Variants in GALNT14 observed in about 807,000 individuals in gnomAD.
GALNT14 encodes the protein polypeptide N-acetylgalactosaminyltransferase 14.
GALNT14 carries 60 observed loss-of-function variants against 77.5 expected under a neutral mutation model. That is an observed-to-expected ratio of 0.77 (90% confidence interval 0.63 to 0.96). GALNT14 has a LOEUF of 0.96. Ranked by LOEUF, GALNT14 falls within the 40% of genes least tolerant of loss-of-function variation. GALNT14 has a pLI of 0.00. For synonymous variants in GALNT14, 280 were observed against 281.7 expected (o/e 0.99, Z 0.06); for missense variants, 710 against 731.0 (o/e 0.97, Z 0.33).
chr2:31,046,507 C>G (rs190817880), intron 1 of GALNT14, among the ~76,000 whole-genome samples: 3 of 152,160 alleles, frequency 2.0e-5, no homozygotes, highest in African/African-American at 4.8e-5. Flanking sequence ...GGATTACGGG[C>G]GTGAGCCACC....
chr2:30,988,596 T>C (rs1669467201), intron 2 of GALNT14, among the ~76,000 whole-genome samples: 1 of 151,976 alleles, frequency 6.6e-6, no homozygotes, highest in South Asian at 2.1e-4. Context: ...GGTGGCCTTA[T>C]TGCAGGGCCT....
chr2:31,117,188 T>C (rs1403149612), intron 1 of GALNT14, among the ~76,000 whole-genome samples: 3 of 152,212 alleles, frequency 2.0e-5, no homozygotes, highest in Admixed American at 1.3e-4. Flanking sequence ...CATCTCATAA[T>C]TCAATACAAT....
chr2:30,953,378 G>A (rs577594067), intron 6 of GALNT14, among the ~76,000 whole-genome samples: 12 of 142,844 alleles, frequency 8.4e-5, no homozygotes, highest in Admixed American at 4.5e-4. Context: ...GCACAATCTC[G>A]ATTCACTGCA....
chr2:31,125,636 TATC>T (rs1197655186), intron 1 of GALNT14, among the ~76,000 whole-genome samples: 2 of 152,108 alleles, frequency 1.3e-5, no homozygotes, highest in Non-Finnish European at 2.9e-5. Context: ...ACGTAGAAAA[TATC>T]ATAAGTGCAG....
intron 1 of GALNT14, among the ~76,000 whole-genome samples, chr2:31,016,137 C>T (rs938932388): frequency 2.6e-5 from 4 of 152,176 alleles, no homozygotes; most frequent in Admixed American, 6.5e-5. Flanking sequence ...CAGCTCTGGA[C>T]GCTGGCAGTC....
downstream of GALNT14, among the ~76,000 whole-genome samples, chr2:30,905,500 A>C (rs931479900): frequency 2.6e-5 from 4 of 152,098 alleles, no homozygotes; most frequent in African/African-American, 9.7e-5. Context: ...GCGAGACGGC[A>C]AGTTTAGAGA....
intron 1 of GALNT14, among the ~76,000 whole-genome samples, chr2:31,098,323 C>T (rs1677096226): frequency 6.6e-6 from 1 of 152,124 alleles, no homozygotes; most frequent in African/African-American, 2.4e-5. Flanking sequence ...AGCCTTTGGG[C>T]AATTTCACTG....
rs183805718 is a variant in GALNT14 at position 30,917,072 on chromosome 2, G to A, written c.1381-4730C>T. On this transcript the variant is annotated intron_variant, in intron 13 of 14. Coordinates refer to ENST00000349752, the MANE Select transcript of GALNT14 (RefSeq NM_024572.4). ...AGCCTGGGCAAAAGAGTAAGACTCC[G>A]TCTCAAAAAAAAAAAAAAAAAAAAA... Among the ~76,000 whole-genome samples, 511 of 63,394 alleles carry A rather than the reference G, an allele frequency of 8.1e-3. 1 individual carries two copies. The highest frequency in any genetic ancestry group is 0.031 in the Middle Eastern group (2 of 64). 41.6% of individuals were successfully genotyped at this position (63,394 alleles called of 152,430 possible).
At chr2:31,006,697 T>C (rs924668500) in intron 1 of GALNT14, among the ~76,000 whole-genome samples, 6 of 152,228 alleles carry the variant, frequency 3.9e-5, no homozygotes, top group African/African-American at 1.2e-4. Flanking sequence ...GTACATTTTC[T>C]GCCAAGGTTA....
chr2:31,130,255 G>C (rs7607657), intron 1 of GALNT14, among the ~76,000 whole-genome samples: 14,534 of 152,294 alleles, frequency 0.095, 1,835 homozygotes, highest in African/African-American at 0.29. Context: ...CCTGCTGATA[G>C]AAAGGCCAGA....
chr2:30,902,424 C>T, the GALNT14 span, among the ~76,000 whole-genome samples: 1 of 152,178 alleles, frequency 6.6e-6, no homozygotes, highest in Admixed American at 6.5e-5. Flanking sequence ...ACCATCCCAT[C>T]TCCTTTAGCA....
At chr2:31,134,056 C>G (rs1429605582) in intron 1 of GALNT14, among the ~76,000 whole-genome samples, 5 of 152,200 alleles carry the variant, frequency 3.3e-5, no homozygotes, top group African/African-American at 9.7e-5. Context: ...TCATCCCGCC[C>G]TCTTTGGAGA....
intron 1 of GALNT14, among the ~76,000 whole-genome samples, chr2:31,062,350 T>C (rs1674653636): frequency 1.3e-5 from 2 of 152,244 alleles, no homozygotes; most frequent in Admixed American, 6.5e-5. Flanking sequence ...CTGAGAATGA[T>C]GGTTTCCAGC....
At chr2:31,137,528 A>G (rs1679277721) in intron 1 of GALNT14, among the ~76,000 whole-genome samples, 1 of 152,026 alleles carries the variant, frequency 6.6e-6, no homozygotes, top group Non-Finnish European at 1.5e-5. Flanking sequence ...CGGCCTCCCC[A>G]GGTCGGGCCT....
intron 1 of GALNT14, among the ~76,000 whole-genome samples, chr2:31,121,628 T>G (rs1170047758): frequency 1.3e-5 from 2 of 152,118 alleles, no homozygotes; most frequent in Non-Finnish European, 2.9e-5. Context: ...TGCTGAGTCC[T>G]GCCACCTTAG....
chr2:30,938,473 T>C (rs1391891295), intron 9 of GALNT14, among the ~76,000 whole-genome samples: 2 of 151,950 alleles, frequency 1.3e-5, no homozygotes, highest in Non-Finnish European at 2.9e-5. Flanking sequence ...AGTAGACACA[T>C]TACATGTACA....
chr2:30,964,572 TG>T (rs1216007408), intron 3 of GALNT14, among the ~76,000 whole-genome samples: 1 of 152,062 alleles, frequency 6.6e-6, no homozygotes, highest in African/African-American at 2.4e-5. Context: ...AAATCAAATT[TG>T]AATCAGGTGG....
chr2:31,089,385 T>C (rs149358059), intron 1 of GALNT14, among the ~76,000 whole-genome samples: 2 of 152,068 alleles, frequency 1.3e-5, no homozygotes, highest in African/African-American at 4.8e-5. Context: ...ACTTGTTAAC[T>C]GGCTCAAGAA....
At chr2:30,916,343 C>T (rs1664676624) in intron 13 of GALNT14, among the ~76,000 whole-genome samples, 1 of 152,212 alleles carries the variant, frequency 6.6e-6, no homozygotes, top group African/African-American at 2.4e-5. Flanking sequence ...TCTTCTTTCC[C>T]AGTTCATCTG....
Sources: gnomAD v4.1 joint callset for allele counts (sites outside exome capture counted in the v4.1 genomes callset) on GRCh38, gnomAD v4.1.1 for gene constraint, MANE v1.5 for transcripts, NCBI Gene and HGNC (gene_info 2026-07-23, HGNC 2026-07-21) for gene names.